The following TSHR variants were observed in gnomAD, a reference collection of about 807,000 sequenced individuals.
The protein encoded by TSHR is thyrotropin receptor.
Under a neutral mutation model 64.1 loss-of-function variants are expected in TSHR, and 51 were observed. That is an observed-to-expected ratio of 0.80 (90% CI 0.64 to 1.01). The LOEUF (loss-of-function observed/expected upper bound fraction) is 1.01. Ranked by LOEUF, TSHR falls within the 50% of genes least tolerant of loss-of-function variation. The pLI is 0.00. For synonymous variants in TSHR, 361 were observed against 361.9 expected, an observed-to-expected ratio of 1.00 and a Z score of 0.03; for missense variants, 877 against 942.8, an observed-to-expected ratio of 0.93 and a Z score of 0.91.
At chr14:81,036,391 C>A (rs974616434) in intron 1 of TSHR, among the ~76,000 whole-genome samples, 1 of 152,134 alleles carries the variant, frequency 6.6e-6, no homozygotes, top group Non-Finnish European at 1.5e-5. Flanking sequence ...CAGCAGATTT[C>A]TCAACAAAAA....
At chr14:81,038,039 T>G (rs1260854801) in intron 1 of TSHR, among the ~76,000 whole-genome samples, 3 of 151,996 alleles carry the variant, frequency 2.0e-5, no homozygotes, top group Non-Finnish European at 4.4e-5. Flanking sequence ...CACATTTTTC[T>G]CAAAAGTACA....
At chr14:81,133,162 C>G (rs887845777) in intron 8 of TSHR, among the ~76,000 whole-genome samples, 2 of 152,146 alleles carry the variant, frequency 1.3e-5, no homozygotes, top group Non-Finnish European at 2.9e-5. Context: ...AAAGATGAAG[C>G]ATTACACCTA....
intron 1 of TSHR, among the ~76,000 whole-genome samples, chr14:80,999,144 C>T (rs1195768673): frequency 6.6e-6 from 1 of 152,162 alleles, no homozygotes. Flanking sequence ...ACCTCACACC[C>T]AGTGTAAGAA....
intron 1 of TSHR, among the ~76,000 whole-genome samples, chr14:80,980,441 C>G (rs113175879): frequency 2.6e-4 from 39 of 152,272 alleles, no homozygotes; most frequent in African/African-American, 7.9e-4. Context: ...CCTTCTCTCC[C>G]CACGCAGGGA....
intron 1 of TSHR, among the ~76,000 whole-genome samples, chr14:81,061,473 A>G (rs1005573927): frequency 6.6e-6 from 1 of 152,186 alleles, no homozygotes; most frequent in African/African-American, 2.4e-5. Context: ...GTAAAAAAGA[A>G]CAAGATTATG....
intron 1 of TSHR, among the ~76,000 whole-genome samples, chr14:81,004,139 A>G (rs1345847257): frequency 1.3e-5 from 2 of 152,144 alleles, no homozygotes; most frequent in Non-Finnish European, 2.9e-5. Context: ...CAATCTACCA[A>G]TGGGTTACAA....
chr14:81,143,249 G>A lies in TSHR; in HGVS notation c.1191G>A (p.Val397=), dbSNP rs781406064. 3.1e-6 allele frequency: 5 copies of A among 1,614,082 alleles called. No homozygotes were observed. The highest frequency in any genetic ancestry group is 8.5e-7 in the Non-Finnish European group (1 of 1,180,052). Residue 397 remains valine (V), a synonymous_variant, in exon 10 of 10, where the codon GTG becomes GTA. Transcript: ENST00000298171. ...YTICGDSEDM[V]CTPKSDEFNP... is the part of the protein sequence containing the mutation. ...TATGTGGGGACAGTGAAGACATGGTGTGTACCCCCAAGTCCGATGAGTTCA... is the reference window on the plus strand; with the variant it reads ...TATGTGGGGACAGTGAAGACATGGTATGTACCCCCAAGTCCGATGAGTTCA...
In TSHR at chr14:81,103,779, C is replaced by A. The variant is rs1402445103; in HGVS notation, c.615-4596C>A. 2 of 985,330 alleles carry A rather than the reference C, an allele frequency of 2.0e-6. No homozygotes were observed. Among genetic ancestry groups the A allele is most frequent in the Non-Finnish European group, 2.4e-6 (2 of 829,940 alleles). The allele number at this position is 985,330 out of a possible 1,614,324, so 61.0% of individuals were successfully genotyped here. ...TTCCATCCTCTTTCCACGCAATCTG[C>A]GTGGGGATATGTTGCTTCTCACAGA... On this transcript the variant is annotated intron_variant, in intron 7 of 9. Coordinates refer to ENST00000298171, the MANE Select transcript of TSHR (RefSeq NM_000369.5). The surrounding 1 kb of genome is among the most constrained non-coding windows in gnomAD (Gnocchi z 4.1).
chr14:81,142,262 G>T (rs1362085824), intron 9 of TSHR, among the ~76,000 whole-genome samples: 1 of 152,172 alleles, frequency 6.6e-6, no homozygotes, highest in African/African-American at 2.4e-5. Flanking sequence ...TGGATTTTCA[G>T]TAGAGATGGG....
intron 1 of TSHR, among the ~76,000 whole-genome samples, chr14:81,042,529 A>G (rs1388634193): frequency 6.6e-6 from 1 of 152,168 alleles, no homozygotes; most frequent in Non-Finnish European, 1.5e-5. Context: ...GTGAAATAAG[A>G]CAGAAAGAGA....
At chr14:81,073,559 CTCTGA>C (rs1887274871) in intron 3 of TSHR, among the ~76,000 whole-genome samples, 1 of 152,028 alleles carries the variant, frequency 6.6e-6, no homozygotes, top group African/African-American at 2.4e-5. Context: ...TTCTAAATAA[CTCTGA>C]TTTCTAATTA....
rs1257883379 is a variant in TSHR at position 81,108,446 on chromosome 14, G to A, written c.686G>A (p.Ser229Asn). The change falls in exon 8 of 10, where the codon AGC becomes AAC. Residue 229 changes from serine (S) to asparagine (N), a missense_variant. Coordinates refer to ENST00000298171, the MANE Select transcript of TSHR (RefSeq NM_000369.5). ...DAFGGVYSGP[S>N]LLDVSQTSVT... ...TTTGGAGGAGTATACAGTGGACCAA[G>A]CTTGCTGTGAGTAAGACATACAAAA... 3.1e-6 allele frequency: 5 copies of A among 1,612,476 alleles called. No homozygotes were observed. Among genetic ancestry groups the A allele is most frequent in the Non-Finnish European group, 4.2e-6 (5 of 1,179,596 alleles).
At chr14:81,029,713 C>T (rs556129653) in intron 1 of TSHR, among the ~76,000 whole-genome samples, 33 of 152,218 alleles carry the variant, frequency 2.2e-4, no homozygotes, top group South Asian at 4.1e-4. Flanking sequence ...ATCAGTTAAT[C>T]AAAGCATTTG....
At chr14:81,075,821 T>C (rs890652054) in intron 3 of TSHR, among the ~76,000 whole-genome samples, 2 of 152,024 alleles carry the variant, frequency 1.3e-5, no homozygotes, top group Admixed American at 6.6e-5. Flanking sequence ...CTATAAATCA[T>C]GCTGCTATAA....
At chr14:81,044,669 A>AC (rs1419906950) in intron 1 of TSHR, among the ~76,000 whole-genome samples, 1 of 137,892 alleles carries the variant, frequency 7.3e-6, no homozygotes, top group African/African-American at 2.5e-5. Flanking sequence ...AAAAAAAAAA[A>AC]AAAAACACAC....
At chr14:81,077,902 G>A (rs1469060982) in intron 3 of TSHR, among the ~76,000 whole-genome samples, 1 of 151,752 alleles carries the variant, frequency 6.6e-6, no homozygotes, top group African/African-American at 2.4e-5. Context: ...ACTTATCACA[G>A]TCTACTTAGA....
intron 1 of TSHR, among the ~76,000 whole-genome samples, chr14:81,054,538 A>G (rs1471165301): frequency 6.6e-6 from 1 of 152,206 alleles, no homozygotes; most frequent in Non-Finnish European, 1.5e-5. Context: ...GACTTGTTGA[A>G]TGCTTTGACC....
At chr14:81,047,212 G>A (rs1166227777) in intron 1 of TSHR, among the ~76,000 whole-genome samples, 1 of 152,156 alleles carries the variant, frequency 6.6e-6, no homozygotes, top group Admixed American at 6.5e-5. Context: ...TAATGCAGGA[G>A]TGTTGACACC....
chr14:81,129,056 A>T (rs773201151), intron 8 of TSHR, among the ~76,000 whole-genome samples: 39 of 152,208 alleles, frequency 2.6e-4, no homozygotes, highest in Middle Eastern at 3.4e-3. Context: ...AACTTTGGTT[A>T]TTTCAATATC....
Sources: gnomAD v4.1 joint callset for allele counts (sites outside exome capture counted in the v4.1 genomes callset) on GRCh38, gnomAD v4.1.1 for gene constraint, Gnocchi (gnomAD v3.1) non-coding constraint, MANE v1.5 for transcripts, NCBI Gene and HGNC (gene_info 2026-07-23, HGNC 2026-07-21) for gene names.